ZNF804A: variants seen among roughly 807,000 people sequenced by gnomAD.
The protein encoded by ZNF804A is zinc finger protein 804A.
Under a neutral mutation model 16.5 loss-of-function variants are expected in ZNF804A, and 2 were observed. The ratio of observed to expected loss-of-function variants is 0.12; its 90% CI spans 0.05 to 0.38. The LOEUF is 0.38. ZNF804A is among the 10% of genes least tolerant of loss of function. The pLI is 0.99. For synonymous variants in ZNF804A, 534 were observed against 489.6 expected (o/e 1.09, Z -1.20); for missense variants, 1,473 against 1,390.7 (o/e 1.06, Z -0.94).
chr2:184,703,689 C>CAAAAAAAAAAAAA (rs10593157), intron 1 of ZNF804A, among the ~76,000 whole-genome samples: 1 of 56,460 alleles, frequency 1.8e-5, no homozygotes, highest in Non-Finnish European at 3.2e-5. Flanking sequence ...GACTCCGGTT[C>CAAAAAAAAAAAAA]AAAAAAAAAA....
intron 1 of ZNF804A, among the ~76,000 whole-genome samples, chr2:184,670,843 T>C (rs560818552): frequency 2.0e-5 from 3 of 152,232 alleles, no homozygotes; most frequent in Admixed American, 2.0e-4. Context: ...TATAGATTCA[T>C]CTTGAATGGA....
chr2:184,662,947 A>G (rs1314248917), intron 1 of ZNF804A, among the ~76,000 whole-genome samples: 1 of 152,236 alleles, frequency 6.6e-6, no homozygotes, highest in Non-Finnish European at 1.5e-5. Context: ...CTTTCTGTAG[A>G]AAATTTACCT....
intron 1 of ZNF804A, among the ~76,000 whole-genome samples, chr2:184,656,310 A>G (rs2105703426): frequency 6.6e-6 from 1 of 152,276 alleles, no homozygotes; most frequent in African/African-American, 2.4e-5. Flanking sequence ...TTGTAAAGTA[A>G]TACTTTCCCT....
chr2:184,622,872 A>C (rs1317160572), intron 1 of ZNF804A, among the ~76,000 whole-genome samples: 1 of 152,020 alleles, frequency 6.6e-6, no homozygotes, highest in Non-Finnish European at 1.5e-5. Context: ...GTACTTGAAA[A>C]TAGCATTTGA....
intron 2 of ZNF804A, among the ~76,000 whole-genome samples, chr2:184,892,611 G>C (rs878919357): frequency 6.7e-6 from 1 of 148,876 alleles, no homozygotes; most frequent in Admixed American, 6.9e-5. Flanking sequence ...CATCCCCCCA[G>C]TAGCTGGGAT....
At chr2:184,609,663 G>A (rs900456890) in intron 1 of ZNF804A, among the ~76,000 whole-genome samples, 2 of 152,320 alleles carry the variant, frequency 1.3e-5, no homozygotes, top group South Asian at 4.2e-4. Flanking sequence ...TCACATGATG[G>A]ACGACAGAGA....
intron 2 of ZNF804A, among the ~76,000 whole-genome samples, chr2:184,887,458 A>C (rs1447721867): frequency 6.6e-6 from 1 of 152,194 alleles, no homozygotes; most frequent in African/African-American, 2.4e-5. Flanking sequence ...GTATCTTTTC[A>C]ACAAACCCCA....
Position 184,716,643 on chromosome 2 carries a change from T to C in ZNF804A, c.111+117573T>C, listed in dbSNP as rs146228221. The stretch of plus-strand genomic sequence containing the variant: ...TCATATAATTTAAACACATAAATTA[T>C]TGAATGCTTACATGGAGTGAATAAC... On this transcript the variant is annotated intron_variant, in intron 1 of 3. Coordinates refer to ENST00000302277, the MANE Select transcript of ZNF804A (RefSeq NM_194250.2). 9.5e-3 allele frequency among the ~76,000 whole-genome samples: 1,449 copies of C among 152,256 alleles called. 12 individuals are homozygous for C. The highest frequency in any genetic ancestry group is 0.015 in the Non-Finnish European group (1,014 of 68,014).
At chr2:184,861,149 G>A (rs974906505) in intron 1 of ZNF804A, among the ~76,000 whole-genome samples, 2 of 152,174 alleles carry the variant, frequency 1.3e-5, no homozygotes, top group South Asian at 2.1e-4. Flanking sequence ...TAGTTTTTTG[G>A]GGGGACAGGA....
chr2:184,688,974 GCAAA>G (rs1309071983), intron 1 of ZNF804A, among the ~76,000 whole-genome samples: 2 of 152,014 alleles, frequency 1.3e-5, no homozygotes, highest in East Asian at 1.9e-4. Flanking sequence ...GTTTGTAGAA[GCAAA>G]CAGATATGTA....
chr2:184,886,577 T>C (rs1035184933), intron 2 of ZNF804A, among the ~76,000 whole-genome samples: 31 of 152,342 alleles, frequency 2.0e-4, no homozygotes, highest in African/African-American at 7.2e-4. Flanking sequence ...TGTGGCAAAC[T>C]TTTGCCTGGG....
At chr2:184,929,659 A>C (rs1383440451) in intron 2 of ZNF804A, among the ~76,000 whole-genome samples, 1 of 152,174 alleles carries the variant, frequency 6.6e-6, no homozygotes, top group Non-Finnish European at 1.5e-5. Context: ...ATAACTAATA[A>C]TCAAAGATTA....
intron 1 of ZNF804A, among the ~76,000 whole-genome samples, chr2:184,791,591 T>A (rs1694545097): frequency 6.6e-6 from 1 of 152,110 alleles, no homozygotes; most frequent in South Asian, 2.1e-4. Context: ...AGTCTCCATA[T>A]ATCCCCTACT....
chr2:184,832,096 GC>G (rs1025258425), intron 1 of ZNF804A, among the ~76,000 whole-genome samples: 5 of 151,766 alleles, frequency 3.3e-5, no homozygotes, highest in African/African-American at 1.2e-4. Context: ...AGTATACTTG[GC>G]TTTACCAATT....
At chr2:184,782,553 G>A (rs544509841) in intron 1 of ZNF804A, among the ~76,000 whole-genome samples, 2 of 151,488 alleles carry the variant, frequency 1.3e-5, no homozygotes, top group South Asian at 2.1e-4. Flanking sequence ...TAGACTCCAC[G>A]TTCTTCAGTT....
intron 1 of ZNF804A, among the ~76,000 whole-genome samples, chr2:184,731,564 C>CTTTTTTT (rs34877709): frequency 1.7e-4 from 14 of 84,670 alleles, no homozygotes; most frequent in Non-Finnish European, 1.9e-4. Context: ...GTCTTTAACG[C>CTTTTTTT]TTTTTTTTTT....
At chr2:184,685,274 C>A (rs1165883076) in intron 1 of ZNF804A, among the ~76,000 whole-genome samples, 3 of 151,992 alleles carry the variant, frequency 2.0e-5, no homozygotes, top group Non-Finnish European at 4.4e-5. Context: ...GCAGTGGCAC[C>A]CAGAAGCTTA....
At position 184,936,649 on chromosome 2, in the gene ZNF804A, G is replaced by A. The variant is rs1365923752; in HGVS notation, c.1253G>A (p.Cys418Tyr). ...NITIHKKTNF[C>Y]KRQCEPFVPV... is the part of the protein sequence containing the mutation. ...ACTATACATAAGAAAACAAATTTCT[G>A]CAAAAGACAATGTGAGCCATTTGTA... The change falls in exon 4 of 4, where the codon TGC becomes TAC. Residue 418 changes from cysteine (C) to tyrosine (Y), a missense_variant. Physicochemically the swap from Cys to Tyr is radical, Grantham distance 194. Coordinates refer to ENST00000302277, the MANE Select transcript of ZNF804A (RefSeq NM_194250.2). 6.2e-7 allele frequency: 1 copy of A among 1,613,958 alleles called. No individual in the cohort carries two copies. Among genetic ancestry groups the A allele is most frequent in the Non-Finnish European group, 8.5e-7 (1 of 1,179,916 alleles).
At chr2:184,705,823 AAC>A (rs1317629844) in intron 1 of ZNF804A, among the ~76,000 whole-genome samples, 1 of 152,260 alleles carries the variant, frequency 6.6e-6, no homozygotes, top group East Asian at 1.9e-4. Context: ...TGGGGCTTAA[AAC>A]ACAAAAAATC....
Sources: allele counts gnomAD v4.1 joint callset (sites outside exome capture counted in the v4.1 genomes callset), GRCh38; gene constraint gnomAD v4.1.1; transcripts MANE v1.5; gene names NCBI Gene and HGNC (gene_info 2026-07-23, HGNC 2026-07-21).